The following RGPD8 variants were observed in gnomAD, a reference collection of about 807,000 sequenced individuals.
RGPD8 encodes RANBP2 like and GRIP domain containing 8.
In RGPD8, 15 loss-of-function variants were observed where a neutral mutation model predicts 89.1. The ratio of observed to expected loss-of-function variants is 0.17; its 90% CI spans 0.11 to 0.26. The LOEUF is 0.26. Among genes scored for constraint, RGPD8 ranks in the 10% least tolerant of loss-of-function variants. The probability of loss-of-function intolerance (pLI) is 1.00; values close to 1 mark genes in which losing one functional copy is unlikely to be tolerated. For missense variants in RGPD8, 178 were observed against 1,179.6 expected, an observed-to-expected ratio of 0.15 and a Z score of 12.44; for synonymous variants, 62 against 420.9, an observed-to-expected ratio of 0.15 and a Z score of 10.44.
chr2:112,427,533 T>G (rs1417139107), intron 1 of RGPD8, among the ~76,000 whole-genome samples: 3 of 151,968 alleles, frequency 2.0e-5, no homozygotes. Context: ...ACAGGAACAG[T>G]AAGACCCTAA....
intron 22 of RGPD8, among the ~76,000 whole-genome samples, chr2:112,371,081 G>T (rs1355136286): frequency 6.6e-6 from 1 of 151,018 alleles, no homozygotes; most frequent in Non-Finnish European, 1.5e-5. Flanking sequence ...TAAAACAGAA[G>T]CTTATATACA....
At chr2:112,371,146 A>G (rs1343457240) in intron 22 of RGPD8, among the ~76,000 whole-genome samples, 4 of 147,946 alleles carry the variant, frequency 2.7e-5, no homozygotes, top group Non-Finnish European at 5.9e-5. Context: ...GAACCACAAC[A>G]AACAAAAACC....
At chr2:112,426,716 C>T (rs1476368123) in intron 1 of RGPD8, among the ~76,000 whole-genome samples, 2 of 151,296 alleles carry the variant, frequency 1.3e-5, no homozygotes, top group Admixed American at 6.6e-5. Flanking sequence ...CCAGCACTGG[C>T]GACAGAGCAA....
At chr2:112,416,151 G>C (rs1679406128) in intron 6 of RGPD8, among the ~76,000 whole-genome samples, 1 of 150,250 alleles carries the variant, frequency 6.7e-6, no homozygotes. Flanking sequence ...AAAGATCTTT[G>C]ATGTCCTTAA....
Position 112,433,454 on chromosome 2 carries a change from C to A in RGPD8, c.-1G>T, listed in dbSNP as rs537555278. On this transcript the variant is annotated 5_prime_UTR_variant, in exon 1 of 23. Transcript: ENST00000302558. ...CCACATCGGCCTTGCTGCGCCTCAT[C>A]GCGCCGCCAACCTGGCTCCCGAGAC... 1.1e-4 allele frequency: 179 copies of A among 1,607,964 alleles called. 2 individuals are homozygous for A. In the Admixed American group the frequency reaches 2.9e-3, roughly 26 times the overall value.
chr2:112,427,865 T>C (rs1299841302), intron 1 of RGPD8, among the ~76,000 whole-genome samples: 11 of 151,890 alleles, frequency 7.2e-5, no homozygotes, highest in South Asian at 2.1e-4. Context: ...AGTTCCCCAA[T>C]CTTCTTCCCC....
At chr2:112,424,739 T>TCAA in intron 1 of RGPD8, among the ~76,000 whole-genome samples, 1 of 141,506 alleles carries the variant, frequency 7.1e-6, no homozygotes, top group Non-Finnish European at 1.5e-5. Context: ...CTCCCAAACA[T>TCAA]CATCATCATC....
intron 1 of RGPD8, among the ~76,000 whole-genome samples, chr2:112,427,554 A>C (rs1679822431): frequency 6.6e-6 from 1 of 152,124 alleles, no homozygotes; most frequent in Non-Finnish European, 1.5e-5. Context: ...GAGATGCCAC[A>C]TCATCGCTAT....
At chr2:112,430,374 A>T (rs918807154) in intron 1 of RGPD8, among the ~76,000 whole-genome samples, 1 of 152,146 alleles carries the variant, frequency 6.6e-6, no homozygotes, top group Non-Finnish European at 1.5e-5. Flanking sequence ...ATAGCTTCAC[A>T]TGTTCCAGTT....
At chr2:112,380,307 G>A (rs1466618292) in intron 21 of RGPD8, among the ~76,000 whole-genome samples, 20 of 127,244 alleles carry the variant, frequency 1.6e-4, no homozygotes, top group African/African-American at 4.7e-4. Context: ...AATCTATTAC[G>A]GTTTCTTAGG....
intron 6 of RGPD8, among the ~76,000 whole-genome samples, chr2:112,416,973 C>T (rs1041939043): frequency 1.4e-5 from 2 of 144,970 alleles, no homozygotes; most frequent in Non-Finnish European, 3.0e-5. Context: ...CAAGCTTGAA[C>T]TATAAGAGTT....
At chr2:112,433,314 C>G (rs1680143552) in intron 1 of RGPD8, 68 bp downstream of exon 1, 11 of 1,512,432 alleles carry the variant, frequency 7.3e-6, no homozygotes, top group Non-Finnish European at 9.7e-6. Flanking sequence ...GAGGCCGCCG[C>G]CGGGCCGGGT....
chr2:112,411,064 A>G (rs1321323024), intron 7 of RGPD8, among the ~76,000 whole-genome samples: 1 of 152,270 alleles, frequency 6.6e-6, no homozygotes, highest in African/African-American at 2.4e-5. Flanking sequence ...AGCCTGGGCA[A>G]CAAGAGCAAA....
At chr2:112,402,446 C>A (rs1481298088) in intron 9 of RGPD8, among the ~76,000 whole-genome samples, 1 of 150,436 alleles carries the variant, frequency 6.6e-6, no homozygotes, top group African/African-American at 2.5e-5. Context: ...GCCGAGATTG[C>A]GCCACTGCGC....
intron 1 of RGPD8, among the ~76,000 whole-genome samples, chr2:112,432,878 G>T (rs1400600041): frequency 1.1e-4 from 16 of 152,340 alleles, no homozygotes; most frequent in African/African-American, 3.4e-4. Context: ...GACTGCGCTA[G>T]CCGGCCTCCG....
chr2:112,428,943 T>G (rs1315863185), intron 1 of RGPD8, among the ~76,000 whole-genome samples: 6 of 151,796 alleles, frequency 4.0e-5, no homozygotes, highest in African/African-American at 9.7e-5. Context: ...ACTTAAAGTA[T>G]AATAAAAAAA....
chr2:112,413,534 T>C (rs1299275159), intron 6 of RGPD8, among the ~76,000 whole-genome samples: 1 of 114,566 alleles, frequency 8.7e-6, no homozygotes, highest in African/African-American at 3.9e-5. Context: ...ACGTGAAGCA[T>C]GATTTTAAAG....
chr2:112,424,466 T>C (rs1343556104), intron 1 of RGPD8, among the ~76,000 whole-genome samples, 159 bp from the exon 2 acceptor site: 1 of 152,182 alleles, frequency 6.6e-6, no homozygotes. Context: ...ATGCCTGTAA[T>C]CCCAGCACTT....
chr2:112,424,816 T>G (rs1046075168), intron 1 of RGPD8, among the ~76,000 whole-genome samples: 1 of 151,302 alleles, frequency 6.6e-6, no homozygotes, highest in African/African-American at 2.4e-5. Context: ...TATTTAATTC[T>G]AGCACTTTCA....
Sources: allele counts gnomAD v4.1 joint callset (sites outside exome capture counted in the v4.1 genomes callset), GRCh38; gene constraint gnomAD v4.1.1; transcripts MANE v1.5; gene names NCBI Gene and HGNC (gene_info 2026-07-23, HGNC 2026-07-21).